The following ZBTB44 variants were observed in gnomAD, a reference collection of about 807,000 sequenced individuals.
ZBTB44 encodes zinc finger and BTB domain-containing protein 44.
Under a neutral mutation model 54.0 loss-of-function variants are expected in ZBTB44, and 15 were observed. That is an observed-to-expected ratio of 0.28 (90% CI 0.19 to 0.43). The LOEUF (loss-of-function observed/expected upper bound fraction) is 0.43. ZBTB44 is among the 20% of genes least tolerant of loss of function. The pLI is 1.00. For missense variants in ZBTB44, 487 were observed against 707.1 expected (o/e 0.69, Z 3.53); for synonymous variants, 230 against 250.1 (o/e 0.92, Z 0.76).
chr11:130,304,315 G>A (rs180900725), intron 1 of ZBTB44, among the ~76,000 whole-genome samples: 3 of 152,186 alleles, frequency 2.0e-5, no homozygotes, highest in African/African-American at 7.2e-5. Context: ...CTTATATAGA[G>A]TGTATTCAAT....
intron 1 of ZBTB44, among the ~76,000 whole-genome samples, chr11:130,292,211 G>C (rs1056123843): frequency 2.0e-5 from 3 of 152,148 alleles, no homozygotes; most frequent in African/African-American, 7.2e-5. Flanking sequence ...TACGAATAAA[G>C]CCGCTATGCA....
At chr11:130,251,836 A>G (rs1043410645) in intron 2 of ZBTB44, among the ~76,000 whole-genome samples, 2 of 152,172 alleles carry the variant, frequency 1.3e-5, no homozygotes, top group Non-Finnish European at 2.9e-5. Flanking sequence ...ACAAAGACCA[A>G]TGACATTATA....
At chr11:130,247,264 G>A (rs538121241) in intron 2 of ZBTB44, among the ~76,000 whole-genome samples, 9 of 152,156 alleles carry the variant, frequency 5.9e-5, no homozygotes, top group Non-Finnish European at 1.0e-4. Flanking sequence ...TAGGGCCCAG[G>A]CAGAAATAAA....
At chr11:130,265,734 T>G (rs1939203934) in intron 1 of ZBTB44, among the ~76,000 whole-genome samples, 1 of 152,170 alleles carries the variant, frequency 6.6e-6, no homozygotes, top group Non-Finnish European at 1.5e-5. Flanking sequence ...ACCACAATAT[T>G]CCTTTAAATC....
At chr11:130,310,735 GT>G (rs941400825) in intron 1 of ZBTB44, among the ~76,000 whole-genome samples, 4 of 151,288 alleles carry the variant, frequency 2.6e-5, no homozygotes, top group East Asian at 1.9e-4. Context: ...TCCAAATATA[GT>G]TTTTTTTTGT....
intron 1 of ZBTB44, among the ~76,000 whole-genome samples, chr11:130,290,759 T>C (rs532963245): frequency 6.6e-6 from 1 of 152,318 alleles, no homozygotes; most frequent in Non-Finnish European, 1.5e-5. Context: ...ATACATAAAA[T>C]CCTTGAGATC....
intron 7 of ZBTB44, chr11:130,232,566 A>G (rs184178784): frequency 1.2e-4 from 18 of 152,202 alleles, no homozygotes; most frequent in African/African-American, 4.1e-4. Context: ...TGAGTCATAG[A>G]TGAAAATCTT....
intron 7 of ZBTB44, chr11:130,232,298 C>T (rs1290522335): frequency 6.6e-6 from 1 of 151,770 alleles, no homozygotes; most frequent in Non-Finnish European, 1.5e-5. Context: ...AAATCAGGTG[C>T]TCTCATAATT....
chr11:130,280,975 G>GT (rs1030653507), intron 1 of ZBTB44, among the ~76,000 whole-genome samples: 1 of 152,096 alleles, frequency 6.6e-6, no homozygotes, highest in Non-Finnish European at 1.5e-5. Context: ...CTATCTCTAG[G>GT]TTTTTTGTAA....
intron 1 of ZBTB44, among the ~76,000 whole-genome samples, chr11:130,298,382 G>A (rs1166612649): frequency 2.7e-5 from 4 of 150,624 alleles, no homozygotes; most frequent in East Asian, 1.9e-4. Context: ...GGGGCTCAAC[G>A]AATCCACCCA....
intron 1 of ZBTB44, among the ~76,000 whole-genome samples, chr11:130,291,898 T>TA (rs1425881525): frequency 6.6e-6 from 1 of 152,220 alleles, no homozygotes; most frequent in Non-Finnish European, 1.5e-5. Context: ...AGATAAGGAA[T>TA]ACTGCCACAA....
chr11:130,308,587 G>A (rs1371899902), intron 1 of ZBTB44, among the ~76,000 whole-genome samples: 1 of 152,160 alleles, frequency 6.6e-6, no homozygotes, highest in Non-Finnish European at 1.5e-5. Flanking sequence ...AGCACAGCTG[G>A]CATACAGAAA....
At chr11:130,264,443 TAA>T (rs1459376058) in intron 1 of ZBTB44, among the ~76,000 whole-genome samples, 1 of 152,164 alleles carries the variant, frequency 6.6e-6, no homozygotes, top group African/African-American at 2.4e-5. Context: ...GCTTTTACTC[TAA>T]GTTTATTAGT....
chr11:130,247,246 T>C (rs1489707393), intron 2 of ZBTB44, among the ~76,000 whole-genome samples: 2 of 152,182 alleles, frequency 1.3e-5, no homozygotes, highest in Non-Finnish European at 2.9e-5. Flanking sequence ...ATAGGTGGTC[T>C]TTGGCTATAG....
At chr11:130,288,060 A>G (rs911517452) in intron 1 of ZBTB44, among the ~76,000 whole-genome samples, 3 of 151,898 alleles carry the variant, frequency 2.0e-5, no homozygotes, top group Non-Finnish European at 4.4e-5. Flanking sequence ...GAATTCTCAC[A>G]TGTGTTAAGT....
intron 1 of ZBTB44, among the ~76,000 whole-genome samples, chr11:130,282,762 T>G (rs546106262): frequency 6.6e-5 from 10 of 152,348 alleles, no homozygotes; most frequent in Admixed American, 2.0e-4. Flanking sequence ...CTCTTCCACG[T>G]TGGCAATTAT....
chr11:130,286,198 A>G (rs991475325), intron 1 of ZBTB44, among the ~76,000 whole-genome samples: 6 of 152,154 alleles, frequency 3.9e-5, no homozygotes, highest in Non-Finnish European at 7.4e-5. Flanking sequence ...AAAATCACCA[A>G]TGGGCCAGAA....
chr11:130,306,575 A>G (rs1287390844), intron 1 of ZBTB44, among the ~76,000 whole-genome samples: 1 of 152,208 alleles, frequency 6.6e-6, no homozygotes, highest in African/African-American at 2.4e-5. Context: ...TACCCAAAAG[A>G]AAAGAAGTCA....
chr11:130,271,622 CTCACT>C (rs1197880796), intron 1 of ZBTB44, among the ~76,000 whole-genome samples: 1 of 152,192 alleles, frequency 6.6e-6, no homozygotes, highest in African/African-American at 2.4e-5. Context: ...ACGTTTGGGG[CTCACT>C]TCACTTAGTA....
Sources: gnomAD v4.1 joint callset for allele counts (sites outside exome capture counted in the v4.1 genomes callset) on GRCh38, gnomAD v4.1.1 for gene constraint, MANE v1.5 for transcripts, NCBI Gene and HGNC (gene_info 2026-07-23, HGNC 2026-07-21) for gene names.